The following PKHD1 variants were observed in gnomAD, a reference collection of about 807,000 sequenced individuals.
PKHD1 encodes fibrocystin.
In PKHD1, 291 loss-of-function variants were observed where a neutral mutation model predicts 412.0. That is an observed-to-expected ratio of 0.71 (90% confidence interval 0.64 to 0.78). PKHD1 has a LOEUF of 0.78. Among genes scored for constraint, PKHD1 ranks in the 30% least tolerant of loss-of-function variants. PKHD1 has a pLI of 0.00. For missense variants in PKHD1, 4,825 were observed against 4,950.7 expected, an observed-to-expected ratio of 0.97 and a Z score of 0.76; for synonymous variants, 1,777 against 1,821.5, an observed-to-expected ratio of 0.98 and a Z score of 0.62.
chr6:51,805,181 T>C (rs1409208021), intron 52 of PKHD1, among the ~76,000 whole-genome samples: 2 of 152,190 alleles, frequency 1.3e-5, no homozygotes, highest in African/African-American at 4.8e-5. Flanking sequence ...ACATATGCCA[T>C]GGAACACTAC....
At chr6:51,836,330 A>T (rs1769211772) in intron 51 of PKHD1, 74 bp downstream of exon 51, 2 of 958,948 alleles carry the variant, frequency 2.1e-6, no homozygotes, top group Non-Finnish European at 3.4e-6. Flanking sequence ...ACAGTATGAC[A>T]AGGTGGAATT....
At chr6:51,899,755 T>A (rs1476825563) in intron 43 of PKHD1, among the ~76,000 whole-genome samples, 1 of 152,236 alleles carries the variant, frequency 6.6e-6, no homozygotes, top group East Asian at 1.9e-4. Flanking sequence ...CATGATTGTA[T>A]ATCTGGAAAG....
chr6:51,727,854 T>G (rs941485265), intron 60 of PKHD1, among the ~76,000 whole-genome samples: 3 of 152,182 alleles, frequency 2.0e-5, no homozygotes, highest in Admixed American at 1.3e-4. Context: ...TCTGTCACTT[T>G]TAGGGAGGCA....
At chr6:51,938,783 C>T (rs935526482) in intron 36 of PKHD1, among the ~76,000 whole-genome samples, 9 of 151,644 alleles carry the variant, frequency 5.9e-5, no homozygotes, top group Non-Finnish European at 1.3e-4. Flanking sequence ...CCACCTATGA[C>T]TTCTGGTCCT....
intron 28 of PKHD1, 147 bp downstream of exon 28, chr6:52,035,444 A>C: frequency 1.2e-6 from 1 of 844,724 alleles, no homozygotes; most frequent in Non-Finnish European, 2.0e-6. Context: ...TTCATAGCAA[A>C]ACAGACAATA....
At chr6:52,028,095 T>C in intron 30 of PKHD1, 61 bp downstream of exon 30, 1 of 1,505,822 alleles carries the variant, frequency 6.6e-7, no homozygotes, top group Non-Finnish European at 9.2e-7. Flanking sequence ...AAAATTAGAA[T>C]TACCTAGCTG....
chr6:51,711,557 A>T (rs753714384), intron 60 of PKHD1, among the ~76,000 whole-genome samples: 2 of 152,230 alleles, frequency 1.3e-5, no homozygotes, highest in Non-Finnish European at 2.9e-5. Flanking sequence ...CTGCATCTGT[A>T]GGGTCTCAGG....
At chr6:52,032,499 T>C (rs1171770141) in intron 29 of PKHD1, among the ~76,000 whole-genome samples, 2 of 152,226 alleles carry the variant, frequency 1.3e-5, no homozygotes, top group African/African-American at 2.4e-5. Context: ...CAGAGCATCC[T>C]ATTCTCTAAT....
intron 19 of PKHD1, 75 bp from the exon 20 acceptor site, chr6:52,054,240 C>A (rs1437004304): frequency 2.4e-5 from 34 of 1,445,968 alleles, no homozygotes; most frequent in Non-Finnish European, 3.0e-5. Context: ...AGTGAGGAGT[C>A]CACATCCCTA....
At chr6:51,980,174 T>C (rs564005765) in intron 35 of PKHD1, among the ~76,000 whole-genome samples, 1 of 152,356 alleles carries the variant, frequency 6.6e-6, no homozygotes, top group East Asian at 1.9e-4. Context: ...AAATGGGGGA[T>C]GTCAGTGACA....
rs188774724 is a variant in PKHD1 at position 51,820,028 on chromosome 6, C to A, written c.8302+10833G>T. Among the ~76,000 whole-genome samples the A allele has an allele frequency of 4.5e-3, 681 of 152,286 alleles. 6 individuals are homozygous for A. Among genetic ancestry groups the A allele is most frequent in the African/African-American group, 0.013 (536 of 41,546 alleles). On this transcript the variant is annotated intron_variant, in intron 52 of 66. Coordinates refer to ENST00000371117, the MANE Select transcript of PKHD1 (RefSeq NM_138694.4). Reference sequence around the variant, plus strand: ...AAATATCAGAATTCTCACCAAGACCCATTACTGGGTTCAACTGGTCTGGAT... The same window carrying A: ...AAATATCAGAATTCTCACCAAGACCAATTACTGGGTTCAACTGGTCTGGAT...
intron 52 of PKHD1, among the ~76,000 whole-genome samples, chr6:51,811,691 G>T (rs1180818350): frequency 1.3e-5 from 2 of 152,074 alleles, no homozygotes; most frequent in African/African-American, 4.8e-5. Flanking sequence ...GTGTTGTGAG[G>T]ATTCCAAAGT....
intron 52 of PKHD1, among the ~76,000 whole-genome samples, chr6:51,813,913 C>T (rs1244443677): frequency 6.6e-6 from 1 of 152,114 alleles, no homozygotes; most frequent in Non-Finnish European, 1.5e-5. Context: ...CATAAAGCTA[C>T]ATGAGTCTTT....
At chr6:51,918,977 GTTGTTTTTTCTTGTAAATT>G (rs1440191673) in intron 37 of PKHD1, among the ~76,000 whole-genome samples, 2 of 152,090 alleles carry the variant, frequency 1.3e-5, no homozygotes, top group Non-Finnish European at 2.9e-5. Flanking sequence ...TTTTGATGGG[GTTGTTTTTTCTTGTAAATT>G]TGTCTAAGTT....
chr6:51,710,720 T>C (rs1780553665), intron 60 of PKHD1, among the ~76,000 whole-genome samples: 1 of 152,226 alleles, frequency 6.6e-6, no homozygotes, highest in South Asian at 2.1e-4. Context: ...ACTTATTGAA[T>C]ATATGCAACA....
intron 35 of PKHD1, among the ~76,000 whole-genome samples, chr6:51,973,580 A>C (rs995317181): frequency 6.6e-6 from 1 of 152,172 alleles, no homozygotes; most frequent in Non-Finnish European, 1.5e-5. Flanking sequence ...CTCATGAAAC[A>C]AGACTTCAAG....
chr6:52,041,535 T>C (rs1410600277), intron 27 of PKHD1, among the ~76,000 whole-genome samples: 2 of 152,146 alleles, frequency 1.3e-5, no homozygotes, highest in Non-Finnish European at 2.9e-5. Context: ...GAAGAATTAA[T>C]AGAAAAAGTT....
intron 29 of PKHD1, among the ~76,000 whole-genome samples, chr6:52,029,692 C>T (rs1802752774): frequency 6.6e-6 from 1 of 152,196 alleles, no homozygotes; most frequent in Non-Finnish European, 1.5e-5. Context: ...CTCACTTAAT[C>T]ACCCAGTGGC....
At chr6:51,674,316 A>C (rs1349529076) in intron 60 of PKHD1, among the ~76,000 whole-genome samples, 1 of 152,184 alleles carries the variant, frequency 6.6e-6, no homozygotes, top group Non-Finnish European at 1.5e-5. Context: ...GAAGTGGGAC[A>C]GGCCAGGATA....
Sources: gnomAD v4.1 joint callset for allele counts (sites outside exome capture counted in the v4.1 genomes callset) on GRCh38, gnomAD v4.1.1 for gene constraint, MANE v1.5 for transcripts, NCBI Gene and HGNC (gene_info 2026-07-23, HGNC 2026-07-21) for gene names.